Variants in SLC25A48 observed in about 807,000 individuals in gnomAD.
SLC25A48 encodes the protein solute carrier family 25 member 48, also known as CTC-321K16.1.
Under a neutral mutation model 32.2 loss-of-function variants are expected in SLC25A48, and 29 were observed. The observed-to-expected ratio is 0.90, with a 90% CI of 0.67 to 1.23. The LOEUF (loss-of-function observed/expected upper bound fraction) is 1.23, where lower values mean the gene tolerates loss of function less well. Ranked by LOEUF, SLC25A48 falls within the 50% of genes most tolerant of loss-of-function variation. SLC25A48 has a pLI of 0.00. For missense variants in SLC25A48, 399 were observed against 422.7 expected (o/e 0.94, Z 0.49); for synonymous variants, 164 against 172.3 (o/e 0.95, Z 0.38).
At chr5:135,788,892 G>T (rs1252175070) in intron 3 of SLC25A48, among the ~76,000 whole-genome samples, 3 of 150,882 alleles carry the variant, frequency 2.0e-5, no homozygotes, top group African/African-American at 2.4e-5. Context: ...GTGTCGGGGG[G>T]TGTACACCCC....
intron 4 of SLC25A48, among the ~76,000 whole-genome samples, chr5:135,826,190 C>T (rs1561512023): frequency 6.6e-6 from 1 of 152,100 alleles, no homozygotes. Context: ...CCCCTCTCAG[C>T]CCACCAGGCT....
At chr5:135,838,915 CCA>C (rs1327210061) in intron 1 of SLC25A48, among the ~76,000 whole-genome samples, 1 of 152,160 alleles carries the variant, frequency 6.6e-6, no homozygotes, top group East Asian at 1.9e-4. Flanking sequence ...GGTGGGAGTC[CCA>C]CACAGAGTCC....
At chr5:135,735,032 G>C (rs1755327950) in intron 3 of SLC25A48, among the ~76,000 whole-genome samples, 2 of 152,130 alleles carry the variant, frequency 1.3e-5, no homozygotes, top group South Asian at 4.1e-4. Flanking sequence ...AGGCGAGTTA[G>C]AAAGTCCGAT....
At chr5:135,624,378 G>T (rs1752396783) in intron 1 of SLC25A48, among the ~76,000 whole-genome samples, 1 of 152,184 alleles carries the variant, frequency 6.6e-6, no homozygotes, top group South Asian at 2.1e-4. Context: ...CAATTGTTTT[G>T]TGTTTGGGTT....
At chr5:135,848,016 G>A (rs1367371855) in intron 2 of SLC25A48, among the ~76,000 whole-genome samples, 1 of 152,186 alleles carries the variant, frequency 6.6e-6, no homozygotes, top group Non-Finnish European at 1.5e-5. Flanking sequence ...TTATATGATG[G>A]TCAGTATGCA....
intron 3 of SLC25A48, among the ~76,000 whole-genome samples, chr5:135,699,506 G>A (rs1754341837): frequency 6.6e-6 from 1 of 152,200 alleles, no homozygotes; most frequent in African/African-American, 2.4e-5. Flanking sequence ...TACGATGATG[G>A]AAAAGTTGCC....
intron 3 of SLC25A48, among the ~76,000 whole-genome samples, chr5:135,716,984 G>C (rs996387211): frequency 6.6e-6 from 1 of 152,146 alleles, no homozygotes; most frequent in South Asian, 2.1e-4. Context: ...ATGGGCCTTG[G>C]GAGGGCATAA....
chr5:135,828,061 C>T (rs1469381940), intron 4 of SLC25A48, among the ~76,000 whole-genome samples: 1 of 152,240 alleles, frequency 6.6e-6, no homozygotes, highest in Middle Eastern at 3.2e-3. Context: ...TGTCAGCAAC[C>T]CCTTGGCGAG....
chr5:135,884,548 T>C (rs1403714801), intron 7 of SLC25A48, among the ~76,000 whole-genome samples: 1 of 152,102 alleles, frequency 6.6e-6, no homozygotes, highest in Non-Finnish European at 1.5e-5. Flanking sequence ...TCCAGTGGCA[T>C]GTCATTCTGG....
chr5:135,632,781 T>C (rs527818632), intron 2 of SLC25A48, among the ~76,000 whole-genome samples: 194 of 152,300 alleles, frequency 1.3e-3, no homozygotes, highest in African/African-American at 4.6e-3. Context: ...ACTTAATGGT[T>C]TTGGATTACA....
chr5:135,659,044 T>C (rs551259536), intron 3 of SLC25A48, among the ~76,000 whole-genome samples: 1 of 152,382 alleles, frequency 6.6e-6, no homozygotes, highest in East Asian at 1.9e-4. Context: ...CTATTAACAT[T>C]CTGCTCCCTT....
chr5:135,773,509 C>A (rs1441930599), intron 3 of SLC25A48, among the ~76,000 whole-genome samples: 1 of 150,080 alleles, frequency 6.7e-6, no homozygotes, highest in Non-Finnish European at 1.5e-5. Context: ...TTACTCCCAA[C>A]ATCACAGGGG....
rs140496962 is a variant in SLC25A48 at position 135,774,135 on chromosome 5, C to G, written c.-520-38388C>G. On this transcript the variant is annotated intron_variant, in intron 3 of 10. Transcript: ENST00000646290. ...CCCTATATCGAAGGGTGTGTACACC[C>G]CCCTGTGATATTGTTCCTAATATCC... 5.1e-3 allele frequency among the ~76,000 whole-genome samples: 779 copies of G among 151,720 alleles called. 4 individuals are homozygous for G. The highest frequency in any genetic ancestry group is 0.018 in the African/African-American group (748 of 41,400).
At chr5:135,883,220 C>T (rs1053428098) in intron 7 of SLC25A48, 5 of 985,368 alleles carry the variant, frequency 5.1e-6, no homozygotes, top group Middle Eastern at 5.2e-4. Context: ...CTCATCCCCA[C>T]CCCGGCTGGG....
At chr5:135,836,351 A>G (rs560872841) in intron 1 of SLC25A48, among the ~76,000 whole-genome samples, 61 of 102,772 alleles carry the variant, frequency 5.9e-4, no homozygotes, top group African/African-American at 1.8e-3. Context: ...CCAAACTAAT[A>G]ACATGGCTTT....
intron 4 of SLC25A48, among the ~76,000 whole-genome samples, chr5:135,861,714 G>A (rs1431764071): frequency 6.6e-6 from 1 of 152,134 alleles, no homozygotes; most frequent in Non-Finnish European, 1.5e-5. Flanking sequence ...TCTTTATTTA[G>A]GGTTATTTCC....
chr5:135,715,936 C>T (rs1754785703), intron 3 of SLC25A48, among the ~76,000 whole-genome samples: 2 of 152,198 alleles, frequency 1.3e-5, no homozygotes, highest in Non-Finnish European at 2.9e-5. Context: ...TGTGGGGCTC[C>T]ACTTTGTATT....
At chr5:135,645,480 C>T (rs975424553) in intron 3 of SLC25A48, among the ~76,000 whole-genome samples, 6 of 152,156 alleles carry the variant, frequency 3.9e-5, no homozygotes, top group Admixed American at 1.3e-4. Context: ...AAGATTGATT[C>T]AGCCACTAAG....
At chr5:135,683,925 T>C (rs1054077604) in intron 3 of SLC25A48, among the ~76,000 whole-genome samples, 3 of 152,146 alleles carry the variant, frequency 2.0e-5, no homozygotes, top group Admixed American at 2.0e-4. Flanking sequence ...CAGCAGGCCA[T>C]GTGGTAAACA....
Sources: gnomAD v4.1 joint callset for allele counts (sites outside exome capture counted in the v4.1 genomes callset) on GRCh38, gnomAD v4.1.1 for gene constraint, MANE v1.5 for transcripts, NCBI Gene and HGNC (gene_info 2026-07-23, HGNC 2026-07-21) for gene names.